The following LSM8 variants were observed in gnomAD, a reference collection of about 807,000 sequenced individuals.
LSM8 encodes the protein LSM8 U6 small nuclear RNA associated.
LSM8 carries 14 observed loss-of-function variants against 15.0 expected under a neutral mutation model. That is an observed-to-expected ratio of 0.93 (90% confidence interval 0.62 to 1.46). The LOEUF (loss-of-function observed/expected upper bound fraction) is 1.46, where lower values mean the gene tolerates loss of function less well. LSM8 is among the 40% of genes most tolerant of loss of function. The pLI, the probability that LSM8 is intolerant of heterozygous loss-of-function variation, is 0.00. For synonymous variants in LSM8, 50 were observed against 42.1 expected (o/e 1.19, Z -0.73); for missense variants, 90 against 115.4 (o/e 0.78, Z 1.01).
Position 118,184,437 on chromosome 7 carries a change from A to G in LSM8, c.31+183A>G, listed in dbSNP as rs1808848815. On this transcript the variant is annotated intron_variant, in intron 1 of 3. Coordinates refer to ENST00000249299, the MANE Select transcript of LSM8 (RefSeq NM_016200.5). ...CGAGCCTTCCCGCTGCTGCGGGCCC[A>G]GGGGTCCTTTCCATTTTGCCTGCAA... 8.0e-6 allele frequency: 5 copies of G among 622,942 alleles called. No homozygotes were observed. In the South Asian group the frequency reaches 1.5e-4, roughly 19 times the overall value. The allele number at this position is 622,942 out of a possible 1,614,324, so 38.6% of individuals were successfully genotyped here. A position where few individuals can be genotyped will look rare whatever the true frequency, so the allele number is the denominator to read the frequency against.
intron 2 of LSM8, 85 bp from the exon 3 acceptor site, chr7:118,188,193 G>A: frequency 1.4e-6 from 2 of 1,461,928 alleles, no homozygotes; most frequent in South Asian, 2.3e-5. Flanking sequence ...GGAATACCTG[G>A]CAACTAAAAT....
intron 3 of LSM8, chr7:118,189,961 A>G (rs1052281624): frequency 1.3e-5 from 2 of 152,208 alleles, no homozygotes; most frequent in Non-Finnish European, 2.9e-5. Context: ...CAGTATTAGT[A>G]TAGTTATAGA....
rs755444076 is a variant in LSM8, at chr7:118,196,704, A to T, written c.*4702A>T. Among the ~76,000 whole-genome samples, 5 of 29,904 alleles carry T rather than the reference A, an allele frequency of 1.7e-4. No homozygotes were observed. The highest frequency in any genetic ancestry group is 9.2e-4 in the East Asian group (1 of 1,086). The allele number at this position is 29,904 out of a possible 152,430, so 19.6% of individuals were successfully genotyped here. ...TTTTTTTTTAAGTCCTTTAATTTTTATTTATTTATTTATTTATTTATTTAT... is the reference window on the plus strand; with the variant it reads ...TTTTTTTTTAAGTCCTTTAATTTTTTTTTATTTATTTATTTATTTATTTAT... On this transcript the variant is annotated 3_prime_UTR_variant, in exon 4 of 4. Coordinates refer to ENST00000249299, the MANE Select transcript of LSM8 (RefSeq NM_016200.5).
Position 118,203,945 on chromosome 7 carries a change from C to T in LSM8, c.*11943C>T, listed in dbSNP as rs10953864. ...TCCCTTATTGGTTACCTATGAATTG[C>T]TCAGTTCTAACAATGATTTGTAAAT... On this transcript the variant is annotated 3_prime_UTR_variant, in exon 4 of 4. Coordinates refer to ENST00000249299, the MANE Select transcript of LSM8 (RefSeq NM_016200.5). 0.7 allele frequency among the ~76,000 whole-genome samples: 105,422 copies of T among 151,458 alleles called. 36,880 individuals carry two copies. Among genetic ancestry groups the T allele is most frequent in the South Asian group, 0.82 (3,933 of 4,818 alleles).
At chr7:118,187,437 G>A (rs75702952) in intron 2 of LSM8, among the ~76,000 whole-genome samples, 3,012 of 152,212 alleles carry the variant, frequency 0.02, 100 homozygotes, top group African/African-American at 0.066. Context: ...AGTCACATTT[G>A]TATCTACCTT....
rs1809039453 is a variant in LSM8, at chr7:118,194,291, A to T, written c.*2289A>T. ...GCACAATCTAAACCCAGCTTAATGA[A>T]TCAAAGAGATGTTTCTTGGCAAGAT... On this transcript the variant is annotated 3_prime_UTR_variant, in exon 4 of 4. Transcript: ENST00000249299. Among the ~76,000 whole-genome samples, 1 of 152,086 alleles carries T rather than the reference A, an allele frequency of 6.6e-6. No individual in the cohort carries two copies. Among genetic ancestry groups the T allele is most frequent in the African/African-American group, 2.4e-5 (1 of 41,430 alleles).
chr7:118,188,194 C>A (rs748144960), intron 2 of LSM8, 84 bp from the exon 3 acceptor site: 52 of 1,469,830 alleles, frequency 3.5e-5, no homozygotes, highest in Non-Finnish European at 4.1e-5. Flanking sequence ...GAATACCTGG[C>A]AACTAAAATG....
chr7:118,191,594 G>GGAA, intron 3 of LSM8: 1 of 192,724 alleles, frequency 5.2e-6, no homozygotes, highest in African/African-American at 2.3e-5. Context: ...GAAGTTTGAG[G>GGAA]GTTTTTTACT....
intron 3 of LSM8, chr7:118,189,803 G>T (rs1254801002): frequency 8.5e-5 from 13 of 152,262 alleles, no homozygotes; most frequent in African/African-American, 2.6e-4. Context: ...GGAGGTTGCA[G>T]TGAGCCAAGG....
chr7:118,184,580 A>ATG (rs1229177316), intron 1 of LSM8: 1 of 241,774 alleles, frequency 4.1e-6, no homozygotes, highest in Non-Finnish European at 7.9e-6. Context: ...TGTGAATAAG[A>ATG]TGAACAGTCG....
Position 118,185,301 on chromosome 7 carries a change from C to T in LSM8, c.32-353C>T, listed in dbSNP as rs116811860. 3.4e-3 allele frequency: 663 copies of T among 197,740 alleles called. 4 individuals are homozygous for T. Among genetic ancestry groups the T allele is most frequent in the African/African-American group, 0.015 (629 of 42,954 alleles). The allele number at this position is 197,740 out of a possible 1,614,324, so 12.2% of individuals were successfully genotyped here. On this transcript the variant is annotated intron_variant, in intron 1 of 3. Coordinates refer to ENST00000249299, the MANE Select transcript of LSM8 (RefSeq NM_016200.5). ...TGAGTCGAGGGTCTCACTCTGTTGC[C>T]CAGGCTGGAGTGCAGTGGCTTGATC... is the stretch of plus-strand genomic sequence containing the variant.
intron 1 of LSM8, 179 bp downstream of exon 1, chr7:118,184,433 GC>G: frequency 3.1e-6 from 2 of 644,684 alleles, no homozygotes; most frequent in Non-Finnish European, 4.7e-6. Flanking sequence ...GCTGCTGCGG[GC>G]CCAGGGGTCC....
intron 1 of LSM8, chr7:118,185,340 A>G (rs150913889): frequency 3.6e-5 from 9 of 247,188 alleles, no homozygotes; most frequent in South Asian, 1.1e-4. Context: ...GCTCAATGCA[A>G]CCTTGAACTC....
chr7:118,184,535 A>T (rs1000459867), intron 1 of LSM8: 5 of 351,474 alleles, frequency 1.4e-5, no homozygotes, highest in Non-Finnish European at 2.6e-5. Context: ...CTTGATTCTT[A>T]CTTACTATTT....
rs763363112 is a variant in LSM8 at position 118,192,012 on chromosome 7, A to G, written c.*10A>G. 1 of 1,566,028 alleles carries G rather than the reference A, an allele frequency of 6.4e-7. No homozygotes were observed. Among genetic ancestry groups the G allele is most frequent in the Admixed American group, 1.7e-5 (1 of 58,790 alleles). On this transcript the variant is annotated 3_prime_UTR_variant, in exon 4 of 4. Transcript: ENST00000249299. ...TTCTGTAGCACACTGAGGAAAAACT[A>G]CATACTTGGACATCTGTAAATCTTT...
At position 118,194,010 on chromosome 7, in the gene LSM8, A is replaced by G. The variant is rs1329505657; in HGVS notation, c.*2008A>G. Among the ~76,000 whole-genome samples the G allele has an allele frequency of 6.6e-6, 1 of 152,134 alleles. No individual in the cohort carries two copies. The highest frequency in any genetic ancestry group is 1.5e-5 in the Non-Finnish European group (1 of 67,974). ...GAATAGTTACAGAGGATGTGATGACAATATGCCAGATAATCTATGTAATTC... is the reference window on the plus strand; with the variant it reads ...GAATAGTTACAGAGGATGTGATGACGATATGCCAGATAATCTATGTAATTC... On this transcript the variant is annotated 3_prime_UTR_variant, in exon 4 of 4. Transcript: ENST00000249299.
chr7:118,201,535 AT>A lies in LSM8; in HGVS notation c.*9535del, dbSNP rs1039610824. 6.6e-6 allele frequency among the ~76,000 whole-genome samples: 1 copy of A among 152,108 alleles called. No individual in the cohort carries two copies. The highest frequency in any genetic ancestry group is 1.5e-5 in the Non-Finnish European group (1 of 67,988). On this transcript the variant is annotated 3_prime_UTR_variant, in exon 4 of 4. Transcript: ENST00000249299. ...TGTACAACCAAGAATCTCAATATTT[AT>A]TATTTTGCATTAAATATCAGTAAGT... is the stretch of plus-strand genomic sequence containing the variant.
rs539513820 is a variant in LSM8 at position 118,195,265 on chromosome 7, T to C, written c.*3263T>C. Among the ~76,000 whole-genome samples the C allele has an allele frequency of 1.6e-4, 24 of 152,342 alleles. No individual in the cohort carries two copies. The highest frequency in any genetic ancestry group is 4.6e-4 in the African/African-American group (19 of 41,596). ...GCACTTACCTGCTGGGATGAGTCTC[T>C]AACCCCACAGAATTGATTTCAAACA... On this transcript the variant is annotated 3_prime_UTR_variant, in exon 4 of 4. Coordinates refer to ENST00000249299, the MANE Select transcript of LSM8 (RefSeq NM_016200.5).
chr7:118,184,541 T>C, intron 1 of LSM8: 1 of 334,942 alleles, frequency 3.0e-6, no homozygotes, highest in Admixed American at 4.8e-5. Flanking sequence ...TCTTACTTAC[T>C]ATTTCCCTAT....
Sources: gnomAD v4.1 joint callset for allele counts (sites outside exome capture counted in the v4.1 genomes callset) on GRCh38, gnomAD v4.1.1 for gene constraint, MANE v1.5 for transcripts, NCBI Gene and HGNC (gene_info 2026-07-23, HGNC 2026-07-21) for gene names.